DPP10: variants seen among roughly 807,000 people sequenced by gnomAD.
The protein encoded by DPP10 is inactive dipeptidyl peptidase 10.
DPP10 carries 33 observed loss-of-function variants against 120.9 expected under a neutral mutation model. That is an observed-to-expected ratio of 0.27 (90% CI 0.21 to 0.37). The LOEUF (loss-of-function observed/expected upper bound fraction) is 0.37. Among genes scored for constraint, DPP10 ranks in the 10% least tolerant of loss-of-function variants. The pLI is 1.00. For missense variants in DPP10, 816 were observed against 942.8 expected, an observed-to-expected ratio of 0.87 and a Z score of 1.76; for synonymous variants, 337 against 326.1, an observed-to-expected ratio of 1.03 and a Z score of -0.36.
At chr2:115,835,369 A>G (rs1487446774) in intron 21 of DPP10, among the ~76,000 whole-genome samples, 1 of 152,204 alleles carries the variant, frequency 6.6e-6, no homozygotes. Context: ...TTTGTCACGC[A>G]TAGTGAAGTC....
intron 5 of DPP10, among the ~76,000 whole-genome samples, chr2:115,536,921 G>C (rs899719067): frequency 6.6e-6 from 1 of 152,000 alleles, no homozygotes; most frequent in Non-Finnish European, 1.5e-5. Context: ...ATTAATAGAT[G>C]AGTAGAATTA....
chr2:115,682,019 C>G (rs1384689166), intron 5 of DPP10, among the ~76,000 whole-genome samples: 1 of 151,736 alleles, frequency 6.6e-6, no homozygotes, highest in Non-Finnish European at 1.5e-5. Flanking sequence ...AATTTTCATC[C>G]TTACAATTCT....
At chr2:114,560,802 T>C (rs1015840266) in intron 1 of DPP10, among the ~76,000 whole-genome samples, 1 of 152,154 alleles carries the variant, frequency 6.6e-6, no homozygotes, top group African/African-American at 2.4e-5. Flanking sequence ...ATGCCTCTAA[T>C]AAATGGGTTC....
chr2:114,794,725 T>A (rs1683549848), intron 1 of DPP10, among the ~76,000 whole-genome samples: 1 of 152,214 alleles, frequency 6.6e-6, no homozygotes, highest in South Asian at 2.1e-4. Flanking sequence ...GGTTGAGAAA[T>A]GAGATGCATC....
intron 3 of DPP10, among the ~76,000 whole-genome samples, chr2:115,377,661 T>C (rs1397954957): frequency 2.0e-5 from 3 of 152,196 alleles, no homozygotes; most frequent in Non-Finnish European, 4.4e-5. Context: ...GCCTAGGTTT[T>C]CTTCTAGGGT....
At chr2:115,683,059 A>G (rs1402006913) in intron 5 of DPP10, among the ~76,000 whole-genome samples, 1 of 151,892 alleles carries the variant, frequency 6.6e-6, no homozygotes, top group African/African-American at 2.4e-5. Context: ...TTTGCTTTTT[A>G]ATTAGCAAGT....
At chr2:115,701,928 A>G (rs2091906917) in intron 7 of DPP10, among the ~76,000 whole-genome samples, 1 of 150,080 alleles carries the variant, frequency 6.7e-6, no homozygotes, top group Non-Finnish European at 1.5e-5. Context: ...TTCGGTAGGT[A>G]AACACAACTG....
intron 1 of DPP10, among the ~76,000 whole-genome samples, chr2:114,721,799 T>G (rs1299173815): frequency 6.6e-6 from 1 of 152,186 alleles, no homozygotes; most frequent in African/African-American, 2.4e-5. Flanking sequence ...AAATCACAGG[T>G]TAGAAAATAA....
chr2:115,376,203 A>G (rs993322904), intron 3 of DPP10, among the ~76,000 whole-genome samples: 3 of 152,106 alleles, frequency 2.0e-5, no homozygotes, highest in Non-Finnish European at 2.9e-5. Context: ...TTCTCTTGTT[A>G]TTGTTAAACC....
chr2:115,334,228 C>CTTTTTTTTTTTTTTTTTTTTTT (rs1393213758), intron 2 of DPP10, among the ~76,000 whole-genome samples: 4 of 22,332 alleles, frequency 1.8e-4, no homozygotes, highest in Admixed American at 1.2e-3. Context: ...AGAGCAGACT[C>CTTTTTTTTTTTTTTTTTTTTTT]TGTTTTTTTT....
At chr2:114,482,434 G>T (rs918999482) in intron 1 of DPP10, among the ~76,000 whole-genome samples, 1 of 152,222 alleles carries the variant, frequency 6.6e-6, no homozygotes, top group Non-Finnish European at 1.5e-5. Flanking sequence ...AGAATCAAAC[G>T]TATCAGTTAT....
At chr2:114,969,020 C>T (rs1184256563) in intron 1 of DPP10, among the ~76,000 whole-genome samples, 2 of 152,160 alleles carry the variant, frequency 1.3e-5, no homozygotes, top group East Asian at 3.8e-4. Context: ...TTTCATGGGG[C>T]CATACTAAGC....
chr2:114,662,499 G>A (rs1041890479), intron 1 of DPP10, among the ~76,000 whole-genome samples: 1 of 152,128 alleles, frequency 6.6e-6, no homozygotes, highest in Non-Finnish European at 1.5e-5. Context: ...ACTTGAATGC[G>A]TGTGTCAGAC....
At chr2:115,643,961 G>T (rs1006084736) in intron 5 of DPP10, among the ~76,000 whole-genome samples, 1 of 151,970 alleles carries the variant, frequency 6.6e-6, no homozygotes, top group Admixed American at 6.6e-5. Context: ...ATCTTTGTTG[G>T]TACTTTCCTG....
chr2:114,572,611 G>A (rs1689745219), intron 1 of DPP10, among the ~76,000 whole-genome samples: 1 of 152,198 alleles, frequency 6.6e-6, no homozygotes, highest in Non-Finnish European at 1.5e-5. Context: ...ACTATTGTGT[G>A]AGCTTTCAGG....
At chr2:115,404,803 A>G (rs920874967) in intron 3 of DPP10, among the ~76,000 whole-genome samples, 2 of 152,312 alleles carry the variant, frequency 1.3e-5, no homozygotes, top group Middle Eastern at 3.4e-3. Flanking sequence ...AGGCAACTTC[A>G]CTTTATAACA....
At chr2:115,267,849 T>A (rs1367488047) in intron 1 of DPP10, among the ~76,000 whole-genome samples, 1 of 152,190 alleles carries the variant, frequency 6.6e-6, no homozygotes, top group South Asian at 2.1e-4. Context: ...AAAATTGTAG[T>A]TATCCTTCTC....
At chr2:115,364,213 T>C (rs1425901715) in intron 3 of DPP10, among the ~76,000 whole-genome samples, 1 of 152,114 alleles carries the variant, frequency 6.6e-6, no homozygotes, top group South Asian at 2.1e-4. Context: ...TTCTTTCTTA[T>C]CTGTTTTGAA....
chr2:115,459,737 T>C (rs189442404), intron 3 of DPP10, among the ~76,000 whole-genome samples: 2 of 151,918 alleles, frequency 1.3e-5, no homozygotes, highest in African/African-American at 4.8e-5. Context: ...TAATATGAAT[T>C]CAAATTGTGT....
Sources: allele counts gnomAD v4.1 joint callset (sites outside exome capture counted in the v4.1 genomes callset), GRCh38; gene constraint gnomAD v4.1.1; transcripts MANE v1.5; gene names NCBI Gene and HGNC (gene_info 2026-07-23, HGNC 2026-07-21).